The following BAZ1A variants were observed in gnomAD, a reference collection of about 807,000 sequenced individuals.
BAZ1A encodes the protein bromodomain adjacent to zinc finger domain protein 1A.
A neutral mutation model predicts 185.2 loss-of-function variants in BAZ1A; 50 were observed. The observed-to-expected ratio is 0.27, with a 90% confidence interval of 0.22 to 0.34. The LOEUF is 0.34. Ranked by LOEUF, BAZ1A falls within the 10% of genes least tolerant of loss-of-function variation. The pLI is 1.00. For synonymous variants in BAZ1A, 571 were observed against 615.6 expected (o/e 0.93, Z 1.07); for missense variants, 1,356 against 1,839.9 (o/e 0.74, Z 4.81).
intron 20 of BAZ1A, among the ~76,000 whole-genome samples, chr14:34,772,475 T>C (rs1346553624): frequency 6.6e-6 from 1 of 152,206 alleles, no homozygotes; most frequent in Non-Finnish European, 1.5e-5. Context: ...CTAGTAAATA[T>C]AATGCTAGCC....
intron 9 of BAZ1A, among the ~76,000 whole-genome samples, chr14:34,798,798 A>T (rs1237700577): frequency 6.6e-6 from 1 of 152,244 alleles, no homozygotes; most frequent in Non-Finnish European, 1.5e-5. Context: ...AGTGTAAACT[A>T]GTTCAACCAT....
Position 34,771,574 on chromosome 14 carries a change from GATA to G in BAZ1A, c.3235_3237del (p.Tyr1079del). On this transcript the variant is annotated inframe_deletion, in exon 21 of 27. Transcript: ENST00000360310. ...TCTATTTGAAAGAGTGCCATTGCCA[GATA>G]ATGAACCACACTGCTCACTGATTGT... 6.2e-7 allele frequency: 1 copy of G among 1,614,136 alleles called. No homozygotes were observed. The highest frequency in any genetic ancestry group is 8.5e-7 in the Non-Finnish European group (1 of 1,180,022).
At chr14:34,759,184 T>TTTTGTTTTTTTTTTG (rs1555336962) in intron 24 of BAZ1A, among the ~76,000 whole-genome samples, 2 of 108,028 alleles carry the variant, frequency 1.9e-5, no homozygotes, top group South Asian at 3.7e-4. Flanking sequence ...TTTTTTTTTT[T>TTTTGTTTTTTTTTTG]TTTTTTTTTT....
rs1232737836 is a variant in BAZ1A, at chr14:34,874,132, C to T, written c.113+360G>A. 1.3e-5 allele frequency among the ~76,000 whole-genome samples: 2 copies of T among 152,110 alleles called. No homozygotes were observed. The highest frequency in any genetic ancestry group is 4.8e-5 in the African/African-American group (2 of 41,442). On this transcript the variant is annotated intron_variant, in intron 2 of 26. Coordinates refer to ENST00000360310, the MANE Select transcript of BAZ1A (RefSeq NM_013448.3). The surrounding 1 kb of genome is among the most constrained non-coding windows in gnomAD (Gnocchi z 4.7). ...CGGCCGCCGGGAGGGGATCCCGGAA[C>T]TGGCCCCGGAGTGCGCGTGTGGCCG... is the stretch of plus-strand genomic sequence containing the variant.
chr14:34,856,246 A>T (rs533515858), intron 3 of BAZ1A, among the ~76,000 whole-genome samples: 1 of 151,850 alleles, frequency 6.6e-6, no homozygotes, highest in African/African-American at 2.4e-5. Context: ...AATATTTAGC[A>T]AGTCTGCATG....
intron 3 of BAZ1A, among the ~76,000 whole-genome samples, chr14:34,828,905 T>C (rs1348356094): frequency 6.6e-6 from 1 of 152,110 alleles, no homozygotes; most frequent in Non-Finnish European, 1.5e-5. Context: ...TATGGAAGCA[T>C]AGTGATTGCC....
rs1246048846 is a variant in BAZ1A at position 34,862,136 on chromosome 14, G to A, written c.300C>T (p.Arg100=). ...AGATATCATCACAAATTTCATGTAA[G>A]CGCGAACGATGGGTAAGGCTGGTCA... is the stretch of plus-strand genomic sequence containing the variant. ...LYLTSLTHRS[R]LHEICDDIFA... is the part of the protein sequence containing the mutation. The change falls in exon 3 of 27, where the codon CGC becomes CGT. Residue 100 remains arginine (R), a synonymous_variant. Coordinates refer to ENST00000360310, the MANE Select transcript of BAZ1A (RefSeq NM_013448.3). 2.5e-6 allele frequency: 4 copies of A among 1,614,008 alleles called. No individual in the cohort carries two copies. The African/African-American group carries it at 4.0e-5, about 16-fold the overall frequency.
At chr14:34,789,399 T>G (rs1311024031) in intron 12 of BAZ1A, among the ~76,000 whole-genome samples, 1 of 152,262 alleles carries the variant, frequency 6.6e-6, no homozygotes, top group African/African-American at 2.4e-5. Context: ...CTTTATCATA[T>G]GTCATTCTTA....
chr14:34,848,707 T>C (rs891744080), intron 3 of BAZ1A, among the ~76,000 whole-genome samples: 1 of 152,246 alleles, frequency 6.6e-6, no homozygotes, highest in Non-Finnish European at 1.5e-5. Context: ...TAATCTGTTA[T>C]GTTTCTTGAC....
chr14:34,824,408 C>CAAAAAA, intron 4 of BAZ1A, among the ~76,000 whole-genome samples: 99 of 65,756 alleles, frequency 1.5e-3, no homozygotes, highest in Non-Finnish European at 2.0e-3. Context: ...AGCAGCAACT[C>CAAAAAA]AAAAAAAAAA....
intron 21 of BAZ1A, among the ~76,000 whole-genome samples, chr14:34,767,888 G>A (rs1290278496): frequency 6.6e-6 from 1 of 152,160 alleles, no homozygotes; most frequent in Non-Finnish European, 1.5e-5. Context: ...AAAGGTTGGT[G>A]AAATGCTATG....
intron 23 of BAZ1A, among the ~76,000 whole-genome samples, chr14:34,763,319 A>G (rs1022751920): frequency 6.6e-6 from 1 of 151,754 alleles, no homozygotes; most frequent in African/African-American, 2.4e-5. Context: ...GGGTGGCTCT[A>G]TCTCAACTTC....
intron 4 of BAZ1A, among the ~76,000 whole-genome samples, chr14:34,817,847 T>C (rs1401972399): frequency 6.6e-6 from 1 of 152,214 alleles, no homozygotes; most frequent in East Asian, 1.9e-4. Context: ...TAACAACTGA[T>C]GCCAAGTGTA....
At chr14:34,772,255 A>C (rs1444519884) in intron 20 of BAZ1A, among the ~76,000 whole-genome samples, 1 of 152,030 alleles carries the variant, frequency 6.6e-6, no homozygotes, top group Admixed American at 6.6e-5. Context: ...CGCCTGGCCT[A>C]AAATGATCAT....
Position 34,798,711 on chromosome 14 carries a change from A to G in BAZ1A, c.1128+1513T>C, listed in dbSNP as rs571573065. On this transcript the variant is annotated intron_variant, in intron 9 of 26. Coordinates refer to ENST00000360310, the MANE Select transcript of BAZ1A (RefSeq NM_013448.3). ...ACCATCTCACAGCAGTTAGAATGGC[A>G]ATCATTAAAAAGTCAGGAAACAACA... Among the ~76,000 whole-genome samples, 82 of 152,298 alleles carry G rather than the reference A, an allele frequency of 5.4e-4. 1 individual carries two copies. The highest frequency in any genetic ancestry group is 1.8e-3 in the African/African-American group (76 of 41,568).
intron 3 of BAZ1A, among the ~76,000 whole-genome samples, chr14:34,860,998 G>C (rs2042760389): frequency 6.6e-6 from 1 of 152,134 alleles, no homozygotes; most frequent in East Asian, 1.9e-4. Context: ...GATTCAAGTA[G>C]AGTAGCACCT....
Position 34,794,747 on chromosome 14 carries a change from G to T in BAZ1A, c.1363+2C>A. 1 of 1,611,538 alleles carries T rather than the reference G, an allele frequency of 6.2e-7. No individual in the cohort carries two copies. Among genetic ancestry groups the T allele is most frequent in the Non-Finnish European group, 8.5e-7 (1 of 1,179,118 alleles). ...GTAGCAATAGATAACTAAAGCACTT[G>T]CCTAGGGTTACTCCATCAGGAAACT... On this transcript the variant is annotated splice_donor_variant, in intron 11 of 26. Transcript: ENST00000360310. LOFTEE classifies it high-confidence loss of function.
chr14:34,862,390 C>A (rs549110217), intron 2 of BAZ1A, 68 bp from the exon 3 acceptor site: 10 of 1,516,586 alleles, frequency 6.6e-6, no homozygotes, highest in Non-Finnish European at 8.8e-6. Context: ...ACATTAAAAA[C>A]TGATAGCATT....
chr14:34,756,466 ATTTTTTTTTTTTT>A (rs1158606061), intron 25 of BAZ1A, among the ~76,000 whole-genome samples: 2 of 79,016 alleles, frequency 2.5e-5, no homozygotes, highest in East Asian at 7.9e-4. Flanking sequence ...CAGAATACCT[ATTTTTTTTTTTTT>A]TTTTTTTTTT....
Sources: allele counts gnomAD v4.1 joint callset (sites outside exome capture counted in the v4.1 genomes callset), GRCh38; gene constraint gnomAD v4.1.1; non-coding constraint Gnocchi (gnomAD v3.1); transcripts MANE v1.5; gene names NCBI Gene and HGNC (gene_info 2026-07-23, HGNC 2026-07-21).